Variants in CNTN5 observed in about 807,000 individuals in gnomAD.
CNTN5 encodes contactin-5.
A neutral mutation model predicts 129.1 loss-of-function variants in CNTN5; 77 were observed. The ratio of observed to expected loss-of-function variants is 0.60; its 90% CI spans 0.50 to 0.72. The LOEUF is 0.72. Among genes scored for constraint, CNTN5 ranks in the 30% least tolerant of loss-of-function variants. CNTN5 has a pLI of 0.00. For missense variants in CNTN5, 1,478 were observed against 1,328.8 expected (o/e 1.11, Z -1.75); for synonymous variants, 509 against 465.6 (o/e 1.09, Z -1.20).
intron 13 of CNTN5, among the ~76,000 whole-genome samples, chr11:100,094,759 GGGAGGAAAGGAA>G (rs1289618266): frequency 1.7e-5 from 2 of 116,414 alleles, no homozygotes; most frequent in African/African-American, 6.6e-5. Context: ...GAGGGAGGGA[GGGAGGAAAGGAA>G]GGAAGGAAGG....
intron 2 of CNTN5, among the ~76,000 whole-genome samples, chr11:99,462,976 C>T (rs1384168211): frequency 6.6e-6 from 1 of 151,866 alleles, no homozygotes; most frequent in African/African-American, 2.4e-5. Flanking sequence ...GGTGCGGTGG[C>T]ACATGCCTGT....
At chr11:99,661,604 CTG>C (rs1240936376) in intron 3 of CNTN5, among the ~76,000 whole-genome samples, 1 of 152,044 alleles carries the variant, frequency 6.6e-6, no homozygotes, top group Middle Eastern at 3.2e-3. Context: ...ATCACCAAAA[CTG>C]TGTCCCCACT....
intron 3 of CNTN5, among the ~76,000 whole-genome samples, chr11:99,638,426 G>C (rs537952162): frequency 6.6e-6 from 1 of 152,054 alleles, no homozygotes; most frequent in African/African-American, 2.4e-5. Context: ...TTCAAAACCA[G>C]TCATGCCTTC....
At chr11:99,830,772 T>C (rs1256000812) in intron 4 of CNTN5, among the ~76,000 whole-genome samples, 1 of 152,202 alleles carries the variant, frequency 6.6e-6, no homozygotes, top group East Asian at 1.9e-4. Context: ...TATTATTTTA[T>C]ACTTAAATGC....
At chr11:99,867,128 C>G (rs1186773539) in intron 6 of CNTN5, among the ~76,000 whole-genome samples, 1 of 152,198 alleles carries the variant, frequency 6.6e-6, no homozygotes, top group African/African-American at 2.4e-5. Context: ...GTCCTTTCAA[C>G]TAATGCTCTT....
chr11:99,839,397 C>G (rs1193209521), intron 4 of CNTN5, among the ~76,000 whole-genome samples: 1 of 152,008 alleles, frequency 6.6e-6, no homozygotes, highest in African/African-American at 2.4e-5. Context: ...ATAAGAACTA[C>G]TATGACAAGC....
chr11:100,090,507 C>T (rs796241371), intron 13 of CNTN5, among the ~76,000 whole-genome samples: 34 of 47,674 alleles, frequency 7.1e-4, no homozygotes, highest in East Asian at 1.6e-3. Context: ...CCTTTCCTCC[C>T]TCCCTCCCTC....
intron 2 of CNTN5, among the ~76,000 whole-genome samples, chr11:99,391,391 G>A (rs1042533345): frequency 6.6e-6 from 1 of 152,028 alleles, no homozygotes; most frequent in African/African-American, 2.4e-5. Flanking sequence ...GAGAGTTTTA[G>A]GTCGTTAGTA....
At chr11:99,944,154 A>G (rs1291665837) in intron 7 of CNTN5, among the ~76,000 whole-genome samples, 2 of 151,892 alleles carry the variant, frequency 1.3e-5, no homozygotes, top group African/African-American at 2.4e-5. Flanking sequence ...CATAATATTC[A>G]TCTCTGGGAC....
intron 1 of CNTN5, among the ~76,000 whole-genome samples, chr11:99,094,186 C>T (rs887711380): frequency 6.6e-6 from 1 of 151,858 alleles, no homozygotes. Flanking sequence ...ATCTATCATT[C>T]TCACAAAAGT....
At chr11:99,382,421 G>A (rs1940625634) in intron 2 of CNTN5, among the ~76,000 whole-genome samples, 1 of 152,108 alleles carries the variant, frequency 6.6e-6, no homozygotes, top group South Asian at 2.1e-4. Flanking sequence ...CATTAAAGAG[G>A]CCTTTGTTGT....
chr11:99,554,435 AC>A (rs1422636157), intron 2 of CNTN5, among the ~76,000 whole-genome samples: 1 of 152,032 alleles, frequency 6.6e-6, no homozygotes, highest in African/African-American at 2.4e-5. Context: ...ATGGCTCTCA[AC>A]CCATGTATGT....
chr11:99,553,516 T>G (rs747391352), intron 2 of CNTN5, among the ~76,000 whole-genome samples: 2 of 152,074 alleles, frequency 1.3e-5, no homozygotes, highest in Non-Finnish European at 2.9e-5. Context: ...ATCTTAAATA[T>G]TATTTCATTT....
chr11:99,990,449 T>TACAC (rs1241963020), intron 8 of CNTN5, among the ~76,000 whole-genome samples: 128 of 75,770 alleles, frequency 1.7e-3, no homozygotes, highest in African/African-American at 4.7e-3. Context: ...TTAGAATATA[T>TACAC]ATATATACAC....
At chr11:99,316,441 T>C (rs1865344841) in intron 1 of CNTN5, among the ~76,000 whole-genome samples, 1 of 152,166 alleles carries the variant, frequency 6.6e-6, no homozygotes, top group South Asian at 2.1e-4. Context: ...TCTGAGAAAT[T>C]ATTTCAATGA....
chr11:100,027,218 GA>G (rs1424305563), intron 9 of CNTN5, among the ~76,000 whole-genome samples: 1 of 152,066 alleles, frequency 6.6e-6, no homozygotes, highest in African/African-American at 2.4e-5. Context: ...TTGCATACCT[GA>G]AAATTTGTAT....
At chr11:99,203,590 T>G (rs1040684700) in intron 1 of CNTN5, among the ~76,000 whole-genome samples, 22 of 151,974 alleles carry the variant, frequency 1.4e-4, no homozygotes, top group African/African-American at 3.1e-4. Flanking sequence ...CTTTTTTTTT[T>G]GGGTGGGGGG....
intron 3 of CNTN5, among the ~76,000 whole-genome samples, chr11:99,784,270 G>A (rs1345937977): frequency 6.6e-6 from 1 of 151,998 alleles, no homozygotes; most frequent in African/African-American, 2.4e-5. Context: ...CATTACATTA[G>A]GTATTTCTCC....
At chr11:99,446,875 A>T (rs955730823) in intron 2 of CNTN5, among the ~76,000 whole-genome samples, 2 of 152,010 alleles carry the variant, frequency 1.3e-5, no homozygotes, top group Admixed American at 1.3e-4. Context: ...ACCCTTCCCT[A>T]CTTCTTAGCC....
Sources: allele counts gnomAD v4.1 joint callset (sites outside exome capture counted in the v4.1 genomes callset), GRCh38; gene constraint gnomAD v4.1.1; transcripts MANE v1.5; gene names NCBI Gene and HGNC (gene_info 2026-07-23, HGNC 2026-07-21).